Variants in LGR5 observed in about 807,000 individuals in gnomAD.
The protein encoded by LGR5 is leucine-rich repeat-containing G protein-coupled receptor 5.
Under a neutral mutation model 76.7 loss-of-function variants are expected in LGR5, and 54 were observed. The observed-to-expected ratio is 0.70, with a 90% CI of 0.57 to 0.88. The LOEUF (loss-of-function observed/expected upper bound fraction) is 0.88. LGR5 is among the 40% of genes least tolerant of loss of function. LGR5 has a pLI of 0.00. For synonymous variants in LGR5, 406 were observed against 421.9 expected (o/e 0.96, Z 0.46); for missense variants, 1,078 against 1,073.3 (o/e 1.00, Z -0.06).
intron 6 of LGR5, 67 bp from the exon 7 acceptor site, chr12:71,559,519 T>G: frequency 1.2e-6 from 1 of 867,816 alleles, no homozygotes; most frequent in Non-Finnish European, 1.9e-6. Context: ...ATGTTAACTT[T>G]CCTTGTAAAT....
At chr12:71,462,622 T>A (rs906656758) in intron 1 of LGR5, among the ~76,000 whole-genome samples, 1 of 152,144 alleles carries the variant, frequency 6.6e-6, no homozygotes, top group African/African-American at 2.4e-5. Flanking sequence ...ACCCAATAGA[T>A]GCCAGTCATC....
intron 1 of LGR5, among the ~76,000 whole-genome samples, chr12:71,461,739 GC>G (rs1872691857): frequency 6.6e-6 from 1 of 151,980 alleles, no homozygotes; most frequent in Non-Finnish European, 1.5e-5. Context: ...TTTGAAATCA[GC>G]CTGCCACCTC....
chr12:71,477,565 GTAAAA>G (rs999188329), intron 1 of LGR5, among the ~76,000 whole-genome samples: 4 of 151,388 alleles, frequency 2.6e-5, no homozygotes, highest in Non-Finnish European at 5.9e-5. Context: ...TTTTTAAAAA[GTAAAA>G]TAAAAGAATA....
At chr12:71,521,721 A>G (rs1875736957) in intron 2 of LGR5, among the ~76,000 whole-genome samples, 1 of 152,220 alleles carries the variant, frequency 6.6e-6, no homozygotes, top group Non-Finnish European at 1.5e-5. Context: ...GGGGACAGTC[A>G]GTAGTCTCTA....
At chr12:71,546,008 G>T (rs1877139161) in intron 4 of LGR5, among the ~76,000 whole-genome samples, 1 of 152,266 alleles carries the variant, frequency 6.6e-6, no homozygotes, top group East Asian at 1.9e-4. Context: ...TATTTTATTT[G>T]GTGGCAGGGG....
chr12:71,536,220 G>T (rs1044468842), intron 4 of LGR5, among the ~76,000 whole-genome samples: 8 of 152,204 alleles, frequency 5.3e-5, no homozygotes, highest in African/African-American at 1.7e-4. Flanking sequence ...GCTGAAAATT[G>T]TTGTAAAGAA....
At chr12:71,482,800 G>A (rs1156578402) in intron 1 of LGR5, among the ~76,000 whole-genome samples, 3 of 152,154 alleles carry the variant, frequency 2.0e-5, no homozygotes, top group Non-Finnish European at 4.4e-5. Context: ...TCCAAAGCCA[G>A]TAGTTTGATA....
chr12:71,442,445 C>T (rs1422425134), intron 1 of LGR5, among the ~76,000 whole-genome samples: 1 of 152,122 alleles, frequency 6.6e-6, no homozygotes, highest in Non-Finnish European at 1.5e-5. Context: ...AGCCTGTACC[C>T]TGGCCTAAGA....
chr12:71,563,102 C>T (rs1049083985), intron 8 of LGR5, among the ~76,000 whole-genome samples: 3 of 152,138 alleles, frequency 2.0e-5, no homozygotes, highest in Non-Finnish European at 2.9e-5. Context: ...TATGCTAATA[C>T]TCCCTGAGGA....
chr12:71,482,748 C>A (rs1873664034), intron 1 of LGR5, among the ~76,000 whole-genome samples: 1 of 152,188 alleles, frequency 6.6e-6, no homozygotes, highest in Admixed American at 6.5e-5. Flanking sequence ...CCATCCATCT[C>A]AAAATATCAA....
Position 71,583,997 on chromosome 12 carries a change from G to C in LGR5, c.1987G>C (p.Gly663Arg), listed in dbSNP as rs1259694032. The change falls in exon 18 of 18, where the codon GGG becomes CGG. Residue 663 changes from glycine (G) to arginine (R), a missense_variant. Physicochemically the swap from Gly to Arg is moderately radical, Grantham distance 125. Coordinates refer to ENST00000266674, the MANE Select transcript of LGR5 (RefSeq NM_003667.4). ...GCTTACTCTGGCAGCCCTGGAGCGT[G>C]GGTTCTCTGTGAAATATTCTGCAAA... ...FLLTLAALER[G>R]FSVKYSAKFE... is the part of the protein sequence containing the mutation. 6.2e-7 allele frequency: 1 copy of C among 1,614,178 alleles called. No homozygotes were observed. Among genetic ancestry groups the C allele is most frequent in the Non-Finnish European group, 8.5e-7 (1 of 1,180,032 alleles).
intron 1 of LGR5, among the ~76,000 whole-genome samples, chr12:71,488,157 G>T (rs1490030990): frequency 6.6e-6 from 1 of 152,190 alleles, no homozygotes; most frequent in Non-Finnish European, 1.5e-5. Flanking sequence ...TTTAGAGGAT[G>T]TTCAGTTTGA....
At chr12:71,576,581 C>T (rs150252393) in intron 13 of LGR5, among the ~76,000 whole-genome samples, 113 of 152,222 alleles carry the variant, frequency 7.4e-4, no homozygotes, top group African/African-American at 2.6e-3. Context: ...CAGCCCCAGG[C>T]ACAAAGCAGA....
intron 17 of LGR5, among the ~76,000 whole-genome samples, chr12:71,582,875 G>A (rs1879151349): frequency 6.6e-6 from 1 of 151,764 alleles, no homozygotes; most frequent in African/African-American, 2.4e-5. Flanking sequence ...ACCGACATTT[G>A]AAAGTGACTT....
intron 1 of LGR5, among the ~76,000 whole-genome samples, chr12:71,462,981 C>T (rs373206521): frequency 1.3e-5 from 2 of 152,190 alleles, no homozygotes. Context: ...TTAATTGTGT[C>T]GCTAACTAGA....
chr12:71,495,075 A>G (rs1565691016), intron 1 of LGR5, among the ~76,000 whole-genome samples: 1 of 141,908 alleles, frequency 7.0e-6, no homozygotes, highest in East Asian at 1.9e-4. Flanking sequence ...TTTGGGGCGT[A>G]GTCGGGGGGG....
At chr12:71,522,858 T>C (rs1351636626) in intron 2 of LGR5, among the ~76,000 whole-genome samples, 2 of 152,174 alleles carry the variant, frequency 1.3e-5, no homozygotes, top group Admixed American at 6.5e-5. Context: ...TTAACATTTC[T>C]TGTAATCAGT....
intron 7 of LGR5, among the ~76,000 whole-genome samples, chr12:71,560,651 G>T (rs1273448374): frequency 6.6e-6 from 1 of 152,178 alleles, no homozygotes; most frequent in Non-Finnish European, 1.5e-5. Context: ...AATTGGCTGG[G>T]CCTCGTGGCA....
chr12:71,534,865 CT>C (rs763518635), intron 3 of LGR5, among the ~76,000 whole-genome samples: 42 of 152,196 alleles, frequency 2.8e-4, no homozygotes, highest in African/African-American at 9.4e-4. Context: ...ATCTCACCCC[CT>C]GATACCATCT....
Sources: allele counts gnomAD v4.1 joint callset (sites outside exome capture counted in the v4.1 genomes callset), GRCh38; gene constraint gnomAD v4.1.1; transcripts MANE v1.5; gene names NCBI Gene and HGNC (gene_info 2026-07-23, HGNC 2026-07-21).